Variants in RGS1 observed in about 807,000 individuals in gnomAD.
RGS1 encodes the protein B-cell activation protein BL34.
A neutral mutation model predicts 22.2 loss-of-function variants in RGS1; 11 were observed. That is an observed-to-expected ratio of 0.50 (90% CI 0.31 to 0.82). RGS1 has a LOEUF of 0.82. Ranked by LOEUF, RGS1 falls within the 40% of genes least tolerant of loss-of-function variation. RGS1 has a pLI of 0.04. For synonymous variants in RGS1, 81 were observed against 79.9 expected, an observed-to-expected ratio of 1.01 and a Z score of -0.07; for missense variants, 255 against 245.8, an observed-to-expected ratio of 1.04 and a Z score of -0.25.
rs749651216 is a variant in RGS1 at position 192,579,199 on chromosome 1, G to C, written c.507G>C (p.Thr169=). 1.2e-6 allele frequency: 2 copies of C among 1,613,084 alleles called. No individual in the cohort carries two copies. The highest frequency in any genetic ancestry group is 1.3e-5 in the African/African-American group (1 of 74,806). Residue 169 remains threonine, a synonymous_variant, in exon 5 of 5, where the codon ACG becomes ACC. Transcript: ENST00000367459. The part of the protein sequence containing the change: ...TAKKIKAPTP[T]CFDEAQKVIY... ...AGAAGATTAAAGCACCAACCCCCAC[G>C]TGTTTTGATGAAGCACAAAAAGTCA...
In RGS1 at chr1:192,578,893, T is replaced by C. The variant is rs1050120781; in HGVS notation, c.445-244T>C. 3.7e-5 allele frequency: 17 copies of C among 465,056 alleles called. No individual in the cohort carries two copies. In the East Asian group the frequency reaches 4.0e-4, roughly 11 times the overall value. 28.8% of individuals were successfully genotyped at this position (465,056 alleles called of 1,614,324 possible). On this transcript the variant is annotated intron_variant, in intron 4 of 4. Coordinates refer to ENST00000367459, the MANE Select transcript of RGS1 (RefSeq NM_002922.4). ...CTTATGTGGATACTTAAATTTTTCA[T>C]GTCTGCTTCTTTTGCCTCTCCTAAC... is the stretch of plus-strand genomic sequence containing the variant.
intron 4 of RGS1, chr1:192,578,884 A>C (rs1571549566): frequency 4.4e-6 from 2 of 454,966 alleles, no homozygotes; most frequent in Admixed American, 7.9e-5. Flanking sequence ...TGGATACTTA[A>C]ATTTTTCATG....
chr1:192,578,979 C>T, intron 4 of RGS1, 158 bp from the exon 5 acceptor site: 2 of 664,810 alleles, frequency 3.0e-6, no homozygotes, highest in Non-Finnish European at 2.5e-6. Flanking sequence ...TCCTTCACAC[C>T]TAGTATAGAG....
intron 4 of RGS1, 78 bp from the exon 5 acceptor site, chr1:192,579,059 G>T: frequency 7.3e-7 from 1 of 1,374,670 alleles, no homozygotes; most frequent in South Asian, 1.4e-5. Flanking sequence ...ACTTTCTGAG[G>T]TGTTTCAAAA....
At position 192,579,191 on chromosome 1, in the gene RGS1, A is replaced by G; in HGVS notation, c.499A>G (p.Thr167Ala). Residue 167 changes from threonine (T) to alanine (A), a missense_variant, in exon 5 of 5, where the codon ACC (threonine) becomes GCC (alanine). Coordinates refer to ENST00000367459, the MANE Select transcript of RGS1 (RefSeq NM_002922.4). ...ESTAKKIKAPTPTCFDEAQKV... is the reference protein window; with the variant it reads ...ESTAKKIKAPAPTCFDEAQKV... ...TACAGCCAAGAAGATTAAAGCACCA[A>G]CCCCCACGTGTTTTGATGAAGCACA... 6.2e-7 allele frequency: 1 copy of G among 1,613,182 alleles called. No homozygotes were observed. The highest frequency in any genetic ancestry group is 1.1e-5 in the South Asian group (1 of 91,046).
rs548830291 is a variant in RGS1, at chr1:192,579,559, A to T, written c.*237A>T. ...AGATACTGTGGTACTGTCATAAAAA[A>T]CAGTGGAGCTCTGTATTAGAAAGCC... is the stretch of plus-strand genomic sequence containing the variant. On this transcript the variant is annotated 3_prime_UTR_variant, in exon 5 of 5. Transcript: ENST00000367459. 17 of 426,696 alleles carry T rather than the reference A, an allele frequency of 4.0e-5. No individual in the cohort carries two copies. In the South Asian group the frequency reaches 5.9e-4, roughly 15 times the overall value. 26.4% of individuals were successfully genotyped at this position (426,696 alleles called of 1,614,324 possible).
At chr1:192,578,894 G>T in intron 4 of RGS1, 1 of 462,720 alleles carries the variant, frequency 2.2e-6, no homozygotes, top group Non-Finnish European at 3.8e-6. Context: ...AATTTTTCAT[G>T]TCTGCTTCTT....
chr1:192,576,627 G>A, intron 2 of RGS1, 147 bp from the exon 3 acceptor site: 2 of 764,676 alleles, frequency 2.6e-6, no homozygotes, highest in Non-Finnish European at 4.0e-6. Flanking sequence ...TCTAAGGGAA[G>A]TTTTGCATTT....
At position 192,578,239 on chromosome 1, in the gene RGS1, G is replaced by A. The variant is rs932773151; in HGVS notation, c.298G>A (p.Gly100Arg). 6.9e-7 allele frequency: 1 copy of A among 1,457,040 alleles called. No homozygotes were observed. Among genetic ancestry groups the A allele is most frequent in the Non-Finnish European group, 9.3e-7 (1 of 1,073,536 alleles). The allele number at this position is 1,457,040 out of a possible 1,614,324, so 90.3% of individuals were successfully genotyped here. The change falls in exon 4 of 5, where the codon GGA (glycine) becomes AGA (arginine). Residue 100 changes from glycine (G) to arginine (R), a missense_variant. Coordinates refer to ENST00000367459, the MANE Select transcript of RGS1 (RefSeq NM_002922.4). ...LANQTGQNVF[G>R]SFLKSEFSEE... ...CTTTTTAGCTGGTCAAAATGTCTTT[G>A]GAAGTTTCCTAAAGTCTGAATTCAG...
intron 3 of RGS1, 41 bp downstream of exon 3, chr1:192,576,876 CT>C (rs1662070803): frequency 6.5e-7 from 1 of 1,544,776 alleles, no homozygotes; most frequent in Non-Finnish European, 8.9e-7. Flanking sequence ...CAGCTAAATA[CT>C]CTAAAAAATT....
At chr1:192,578,539 T>C (rs1487256583) in intron 4 of RGS1, 154 bp downstream of exon 4, 1 of 822,938 alleles carries the variant, frequency 1.2e-6, no homozygotes, top group East Asian at 2.7e-5. Context: ...GCAATGAGAA[T>C]CTAATTTTCT....
In RGS1 at chr1:192,579,865, G is replaced by C. The variant is rs895637434; in HGVS notation, c.*543G>C. 1.3e-5 allele frequency: 2 copies of C among 151,910 alleles called. No homozygotes were observed. The highest frequency in any genetic ancestry group is 4.8e-5 in the African/African-American group (2 of 41,356). The allele number at this position is 151,910 out of a possible 1,614,324, so 9.4% of individuals were successfully genotyped here. On this transcript the variant is annotated 3_prime_UTR_variant, in exon 5 of 5. Transcript: ENST00000367459. Reference sequence around the variant, plus strand: ...CTTAAGCTATTGCTCTTAAAACCAGGGAGTCAGAATATATTTGTAAGTTAA... The same window carrying C: ...CTTAAGCTATTGCTCTTAAAACCAGCGAGTCAGAATATATTTGTAAGTTAA...
At position 192,578,479 on chromosome 1, in the gene RGS1, G is replaced by C. The variant is rs567096823; in HGVS notation, c.444+94G>C. The C allele has an allele frequency of 5.6e-6, 8 of 1,435,288 alleles. No individual in the cohort carries two copies. The East Asian group carries it at 1.6e-4, about 29-fold the overall frequency. 88.9% of individuals were successfully genotyped at this position (1,435,288 alleles called of 1,614,324 possible). On this transcript the variant is annotated intron_variant, in intron 4 of 4. Transcript: ENST00000367459. ...TATACAACAAGATAAAATCCTTTTG[G>C]GGTATATAATTTTACTTCTACATAC... is the stretch of plus-strand genomic sequence containing the variant.
In RGS1 at chr1:192,577,103, T is replaced by C. The variant is rs76289714; in HGVS notation, c.280+268T>C. The C allele has an allele frequency of 3.2e-4, 112 of 346,528 alleles. No individual in the cohort carries two copies. The East Asian group carries it at 3.6e-3, about 11-fold the overall frequency. The allele number at this position is 346,528 out of a possible 1,614,324, so 21.5% of individuals were successfully genotyped here. On this transcript the variant is annotated intron_variant, in intron 3 of 4. Coordinates refer to ENST00000367459, the MANE Select transcript of RGS1 (RefSeq NM_002922.4). ...ATAAAATTAAACATTGTGCTGGGAT[T>C]CTGATATGTAAAAATTTTAAAAGTA...
chr1:192,579,196 C>T lies in RGS1; in HGVS notation c.504C>T (p.Pro168=). 4 of 1,613,264 alleles carry T rather than the reference C, an allele frequency of 2.5e-6. No individual in the cohort carries two copies. The highest frequency in any genetic ancestry group is 2.5e-6 in the Non-Finnish European group (3 of 1,179,488). Residue 168 remains proline, a synonymous_variant, in exon 5 of 5, where the codon CCC becomes CCT. Transcript: ENST00000367459. ...CCAAGAAGATTAAAGCACCAACCCC[C>T]ACGTGTTTTGATGAAGCACAAAAAG... ...STAKKIKAPT[P]TCFDEAQKVI...
intron 4 of RGS1, chr1:192,578,862 G>A (rs1662111140): frequency 2.4e-6 from 1 of 419,542 alleles, no homozygotes; most frequent in East Asian, 4.1e-5. Flanking sequence ...ATGATACATG[G>A]ATCATCTTAT....
chr1:192,579,050 C>A, intron 4 of RGS1, 87 bp from the exon 5 acceptor site: 3 of 1,313,242 alleles, frequency 2.3e-6, no homozygotes, highest in Non-Finnish European at 3.2e-6. Context: ...CTTAAAATTA[C>A]TTTCTGAGGT....
In RGS1 at chr1:192,576,163, C is replaced by A. The variant is rs1021021440; in HGVS notation, c.138-122C>A. 23 of 940,282 alleles carry A rather than the reference C, an allele frequency of 2.4e-5. No individual in the cohort carries two copies. In the African/African-American group the frequency reaches 2.7e-4, roughly 11 times the overall value. The allele number at this position is 940,282 out of a possible 1,614,324, so 58.2% of individuals were successfully genotyped here. On this transcript the variant is annotated intron_variant, in intron 1 of 4. Coordinates refer to ENST00000367459, the MANE Select transcript of RGS1 (RefSeq NM_002922.4). ...AGGCTCATAAAAATGGGTTCTATAGCAAAATGTTGTATCAACCATTTTTAG... is the reference window on the plus strand; with the variant it reads ...AGGCTCATAAAAATGGGTTCTATAGAAAAATGTTGTATCAACCATTTTTAG...
intron 4 of RGS1, 140 bp downstream of exon 4, chr1:192,578,525 C>A: frequency 2.2e-6 from 2 of 893,006 alleles, no homozygotes; most frequent in South Asian, 1.7e-5. Context: ...AAATATAGTT[C>A]AGTGCAATGA....
Sources: allele counts gnomAD v4.1 joint callset, GRCh38; gene constraint gnomAD v4.1.1; transcripts MANE v1.5; gene names NCBI Gene and HGNC (gene_info 2026-07-23, HGNC 2026-07-21).